The following C14orf132 variants were observed in gnomAD, a reference collection of about 807,000 sequenced individuals.
C14orf132 encodes uncharacterized protein C14orf132.
Under a neutral mutation model 5.8 loss-of-function variants are expected in C14orf132, and 6 were observed. That is an observed-to-expected ratio of 1.03 (90% confidence interval 0.57 to 2.04). C14orf132 has a LOEUF of 2.04. C14orf132 is among the 30% of genes most tolerant of loss of function. C14orf132 has a pLI of 0.00. For missense variants in C14orf132, 125 were observed against 115.8 expected (o/e 1.08, Z -0.37); for synonymous variants, 51 against 49.8 (o/e 1.02, Z -0.10).
intron 1 of C14orf132, among the ~76,000 whole-genome samples, chr14:96,055,502 G>A (rs1887156196): frequency 6.6e-6 from 1 of 152,146 alleles, no homozygotes; most frequent in African/African-American, 2.4e-5. Context: ...ATGGAGAATT[G>A]CCTTCCAACT....
chr14:96,065,245 C>T (rs995686260), intron 1 of C14orf132, among the ~76,000 whole-genome samples: 1 of 152,098 alleles, frequency 6.6e-6, no homozygotes, highest in African/African-American at 2.4e-5. Flanking sequence ...GCAGTGTGTT[C>T]CCCTGAGAGC....
chr14:96,057,869 C>A (rs1887225882), intron 1 of C14orf132, among the ~76,000 whole-genome samples: 1 of 152,178 alleles, frequency 6.6e-6, no homozygotes, highest in African/African-American at 2.4e-5. Flanking sequence ...ACTGAAATTC[C>A]TTCACGTCTC....
At chr14:96,058,131 C>A (rs1005828880) in intron 1 of C14orf132, among the ~76,000 whole-genome samples, 3 of 152,072 alleles carry the variant, frequency 2.0e-5, no homozygotes, top group Non-Finnish European at 4.4e-5. Context: ...CTGGCTCCCA[C>A]GTGCTGTGTC....
At chr14:96,076,399 T>C (rs1887867983) in intron 1 of C14orf132, among the ~76,000 whole-genome samples, 1 of 152,198 alleles carries the variant, frequency 6.6e-6, no homozygotes, top group African/African-American at 2.4e-5. Flanking sequence ...TTCTCTATTG[T>C]TTCTGTTTTC....
In C14orf132 at chr14:96,093,580, C is replaced by A. The variant is rs1046515482; in HGVS notation, c.*6845C>A. The A allele has an allele frequency of 5.9e-5, 9 of 152,312 alleles. 1 individual carries two copies. Among genetic ancestry groups the A allele is most frequent in the East Asian group, 1.9e-4 (1 of 5,190 alleles). The allele number at this position is 152,312 out of a possible 1,614,324, so 9.4% of individuals were successfully genotyped here. A position where few individuals can be genotyped will look rare whatever the true frequency, so the allele number is the denominator to read the frequency against. On this transcript the variant is annotated 3_prime_UTR_variant, in exon 2 of 2. Transcript: ENST00000555004. ...TACCAATTCTTCATGCCGAGAGCATCGGAAATGTTTTTGTGTCTTACTGAT... is the reference window on the plus strand; with the variant it reads ...TACCAATTCTTCATGCCGAGAGCATAGGAAATGTTTTTGTGTCTTACTGAT...
chr14:96,066,856 A>G (rs926184199), intron 1 of C14orf132, among the ~76,000 whole-genome samples: 2 of 152,218 alleles, frequency 1.3e-5, no homozygotes, highest in Non-Finnish European at 2.9e-5. Flanking sequence ...ATATTTTGTC[A>G]GTTCTAGGAA....
rs1888483270 is a variant in C14orf132, at chr14:96,093,494, A to G, written c.*6759A>G. 1 of 152,180 alleles carries G rather than the reference A, an allele frequency of 6.6e-6. No individual in the cohort carries two copies. The highest frequency in any genetic ancestry group is 2.1e-4 in the South Asian group (1 of 4,836). The allele number at this position is 152,180 out of a possible 1,614,324, so 9.4% of individuals were successfully genotyped here. A position where few individuals can be genotyped will look rare whatever the true frequency, so the allele number is the denominator to read the frequency against. On this transcript the variant is annotated 3_prime_UTR_variant, in exon 2 of 2. Transcript: ENST00000555004. ...TTCTGCCAGTTGAAGGCATACTAAT[A>G]TTCTTTATACTATTTAATCTTTTGC...
chr14:96,050,305 C>T (rs1886991569), intron 1 of C14orf132, among the ~76,000 whole-genome samples: 1 of 152,134 alleles, frequency 6.6e-6, no homozygotes, highest in Non-Finnish European at 1.5e-5. Context: ...ATTTGTTAGG[C>T]AGGATCAAGC....
Position 96,039,547 on chromosome 14 carries a change from A to G in C14orf132, c.27+20A>G. On this transcript the variant is annotated intron_variant, in intron 1 of 1. Coordinates refer to ENST00000555004, the MANE Select transcript of C14orf132 (RefSeq NM_001252507.3). The surrounding 1 kb of genome is among the most constrained non-coding windows in gnomAD (Gnocchi z 5.3). ...GCGCAGGTAACGGGGCGTCCCCCCCACGCGCCCCGGGCCGCCAAGTTTGGG... is the reference window on the plus strand; with the variant it reads ...GCGCAGGTAACGGGGCGTCCCCCCCGCGCGCCCCGGGCCGCCAAGTTTGGG... 1 of 1,496,636 alleles carries G rather than the reference A, an allele frequency of 6.7e-7. No individual in the cohort carries two copies. The highest frequency in any genetic ancestry group is 8.9e-7 in the Non-Finnish European group (1 of 1,125,580). The allele number at this position is 1,496,636 out of a possible 1,614,324, so 92.7% of individuals were successfully genotyped here.
intron 1 of C14orf132, among the ~76,000 whole-genome samples, chr14:96,082,280 C>T (rs575483980): frequency 6.6e-6 from 1 of 152,322 alleles, no homozygotes; most frequent in Non-Finnish European, 1.5e-5. Flanking sequence ...TAGACTGGAG[C>T]TGGTCGGGTG....
chr14:96,048,926 T>A (rs141655616), intron 1 of C14orf132, among the ~76,000 whole-genome samples: 8 of 152,344 alleles, frequency 5.3e-5, no homozygotes, highest in Admixed American at 2.6e-4. Context: ...TGCTTCCAAG[T>A]TTTTGCTTTT....
At chr14:96,080,419 A>G (rs11625319) in intron 1 of C14orf132, among the ~76,000 whole-genome samples, 19,041 of 152,132 alleles carry the variant, frequency 0.13, 1,961 homozygotes, top group East Asian at 0.28. Flanking sequence ...CAGCCAAGAC[A>G]GGCACTGAGA....
intron 1 of C14orf132, among the ~76,000 whole-genome samples, chr14:96,055,487 A>C (rs2139652816): frequency 1.3e-5 from 2 of 152,282 alleles, no homozygotes; most frequent in Admixed American, 1.3e-4. Flanking sequence ...ACAGAACAGG[A>C]TTCTATGGAG....
Position 96,039,669 on chromosome 14 carries a change from C to G in C14orf132, c.27+142C>G, listed in dbSNP as rs1886631095. ...GGTCCTTTGTCCCGAGCCGGACACC[C>G]CCACTTGGTGCACGCGTCGGGGGCG... On this transcript the variant is annotated intron_variant, in intron 1 of 1. Coordinates refer to ENST00000555004, the MANE Select transcript of C14orf132 (RefSeq NM_001252507.3). This position sits in a 1 kb window ranked among gnomAD's most constrained non-coding sequence, Gnocchi z 5.3. The G allele has an allele frequency of 1.1e-6, 1 of 869,652 alleles. No individual in the cohort carries two copies. The highest frequency in any genetic ancestry group is 1.6e-6 in the Non-Finnish European group (1 of 643,782). 53.9% of individuals were successfully genotyped at this position (869,652 alleles called of 1,614,324 possible). A position where few individuals can be genotyped will look rare whatever the true frequency, so the allele number is the denominator to read the frequency against.
At chr14:96,064,393 C>CACAT (rs771778523) in intron 1 of C14orf132, among the ~76,000 whole-genome samples, 4,518 of 146,220 alleles carry the variant, frequency 0.031, 257 homozygotes, top group African/African-American at 0.11. Context: ...CACACACACA[C>CACAT]ATATACATAT....
At chr14:96,040,302 T>A (rs1470610587) in intron 1 of C14orf132, 3 of 398,502 alleles carry the variant, frequency 7.5e-6, no homozygotes, top group Non-Finnish European at 1.3e-5. Flanking sequence ...GATTTCTCCA[T>A]CAGTCTGTGA....
intron 1 of C14orf132, 46 bp from the exon 2 acceptor site, chr14:96,086,465 C>T: frequency 6.6e-7 from 1 of 1,517,934 alleles, no homozygotes; most frequent in Admixed American, 2.0e-5. Context: ...GTACATCTGC[C>T]CAAGCCCCCA....
rs1439541476 is a variant in C14orf132 at position 96,039,809 on chromosome 14, C to T, written c.27+282C>T. Among the ~76,000 whole-genome samples, 1 of 152,192 alleles carries T rather than the reference C, an allele frequency of 6.6e-6. No individual in the cohort carries two copies. The highest frequency in any genetic ancestry group is 1.5e-5 in the Non-Finnish European group (1 of 68,022). On this transcript the variant is annotated intron_variant, in intron 1 of 1. Coordinates refer to ENST00000555004, the MANE Select transcript of C14orf132 (RefSeq NM_001252507.3). The surrounding 1 kb of genome is among the most constrained non-coding windows in gnomAD (Gnocchi z 5.3). Reference sequence around the variant, plus strand: ...GGAAGGCTGCGAGGAGCCTGGGCAGCCCGAGTCGCCCCCTTCTGCCCATCC... The same window carrying T: ...GGAAGGCTGCGAGGAGCCTGGGCAGTCCGAGTCGCCCCCTTCTGCCCATCC...
At chr14:96,047,910 G>A (rs1328996629) in intron 1 of C14orf132, among the ~76,000 whole-genome samples, 1 of 152,144 alleles carries the variant, frequency 6.6e-6, no homozygotes, top group Non-Finnish European at 1.5e-5. Context: ...CAAAGTCGCT[G>A]AGCCCGGTGG....
Sources: allele counts gnomAD v4.1 joint callset (sites outside exome capture counted in the v4.1 genomes callset), GRCh38; gene constraint gnomAD v4.1.1; non-coding constraint Gnocchi (gnomAD v3.1); transcripts MANE v1.5; gene names NCBI Gene and HGNC (gene_info 2026-07-23, HGNC 2026-07-21).